Variants in ADGRL2 observed in about 807,000 individuals in gnomAD.
The protein encoded by ADGRL2 is adhesion G protein-coupled receptor L2, also known as calcium-independent alpha-latrotoxin receptor 2.
ADGRL2 carries 44 observed loss-of-function variants against 157.4 expected under a neutral mutation model. The ratio of observed to expected loss-of-function variants is 0.28; its 90% confidence interval spans 0.22 to 0.36. ADGRL2 has a LOEUF of 0.36. Ranked by LOEUF, ADGRL2 falls within the 10% of genes least tolerant of loss-of-function variation. The probability of loss-of-function intolerance (pLI) is 1.00; values close to 1 mark genes in which losing one functional copy is unlikely to be tolerated. For synonymous variants in ADGRL2, 585 were observed against 624.7 expected, an observed-to-expected ratio of 0.94 and a Z score of 0.95; for missense variants, 1,510 against 1,768.9, an observed-to-expected ratio of 0.85 and a Z score of 2.63.
At chr1:81,614,679 G>T (rs1416925440) in intron 3 of ADGRL2, among the ~76,000 whole-genome samples, 1 of 152,036 alleles carries the variant, frequency 6.6e-6, no homozygotes, top group Non-Finnish European at 1.5e-5. Flanking sequence ...GTATTGGAAT[G>T]ACATGTCTAA....
At chr1:81,419,853 C>T (rs1262023693) in intron 1 of ADGRL2, among the ~76,000 whole-genome samples, 3 of 152,102 alleles carry the variant, frequency 2.0e-5, no homozygotes, top group Middle Eastern at 3.2e-3. Flanking sequence ...TATGTTTCTC[C>T]CAGTGAAAAC....
At chr1:81,707,015 A>G (rs1005737596) in intron 1 of ADGRL2, among the ~76,000 whole-genome samples, 1 of 152,276 alleles carries the variant, frequency 6.6e-6, no homozygotes, top group Non-Finnish European at 1.5e-5. Context: ...GGAACAGAAG[A>G]TAAGAAATAG....
At chr1:81,348,650 C>T (rs1280793077) in intron 1 of ADGRL2, among the ~76,000 whole-genome samples, 4 of 151,946 alleles carry the variant, frequency 2.6e-5, no homozygotes, top group African/African-American at 7.3e-5. Flanking sequence ...CCACCACCAC[C>T]AACAACAACA....
intron 2 of ADGRL2, chr1:81,502,478 C>T (rs2078874944): frequency 3.7e-6 from 6 of 1,613,930 alleles, no homozygotes; most frequent in East Asian, 4.5e-5. Context: ...GCAGAAGAGG[C>T]GGACCCCCAT....
At chr1:81,652,022 A>T (rs1000569772) in intron 3 of ADGRL2, among the ~76,000 whole-genome samples, 3 of 152,070 alleles carry the variant, frequency 2.0e-5, no homozygotes, top group Non-Finnish European at 2.9e-5. Context: ...TGAGATTTTC[A>T]TCTCAGTAGT....
chr1:81,580,419 G>T (rs1348398302), intron 2 of ADGRL2, among the ~76,000 whole-genome samples: 1 of 151,808 alleles, frequency 6.6e-6, no homozygotes, highest in African/African-American at 2.4e-5. Flanking sequence ...AGAAAACAGG[G>T]GTATTGAAAA....
chr1:81,500,436 G>A (rs751758952), intron 2 of ADGRL2, among the ~76,000 whole-genome samples: 4 of 152,198 alleles, frequency 2.6e-5, no homozygotes, highest in Non-Finnish European at 5.9e-5. Flanking sequence ...TAAACAAAAT[G>A]TGGTATATAC....
chr1:81,687,950 AT>A (rs2083262472), intron 3 of ADGRL2, among the ~76,000 whole-genome samples: 1 of 152,136 alleles, frequency 6.6e-6, no homozygotes. Context: ...TGGATACAAA[AT>A]TTTTGGCTGA....
At chr1:81,616,070 C>G (rs904752177) in intron 3 of ADGRL2, among the ~76,000 whole-genome samples, 2 of 123,254 alleles carry the variant, frequency 1.6e-5, no homozygotes, top group African/African-American at 3.1e-5. Context: ...AGGCCTGAAA[C>G]GGAGTCAGCC....
intron 1 of ADGRL2, among the ~76,000 whole-genome samples, chr1:81,823,338 TCTTCCCTCCCTCCTTCCCTCCTTC>T (rs972923934): frequency 2.7e-5 from 4 of 148,248 alleles, no homozygotes; most frequent in East Asian, 4.1e-4. Flanking sequence ...CTTCCTTCCT[TCTTCCCTCCCTCCTTCCCTCCTTC>T]CTTCCCTCCC....
intron 1 of ADGRL2, among the ~76,000 whole-genome samples, chr1:81,314,766 G>T (rs527784581): frequency 6.6e-6 from 1 of 152,142 alleles, no homozygotes; most frequent in African/African-American, 2.4e-5. Context: ...CTTTTGTGCA[G>T]CAGAAAATGA....
chr1:81,868,060 GGTGTGT>G (rs145794673), intron 2 of ADGRL2, among the ~76,000 whole-genome samples: 49 of 145,662 alleles, frequency 3.4e-4, no homozygotes, highest in African/African-American at 1.1e-3. Context: ...GTGTGTGTGT[GGTGTGT>G]GTGTGTGTGT....
At chr1:81,793,215 A>G (rs1041352720) in intron 2 of ADGRL2, among the ~76,000 whole-genome samples, 10 of 152,080 alleles carry the variant, frequency 6.6e-5, no homozygotes, top group African/African-American at 1.9e-4. Context: ...ACAAAAATAT[A>G]TAATGTATAG....
rs1664928148 is a variant in ADGRL2 at position 81,993,305 on chromosome 1, T to C, written c.*2160T>C. ...TAAAGGAGGGCATTAGATAATCAAGTATTTTTAATTTTCCATCTTGTTATA... is the reference window on the plus strand; with the variant it reads ...TAAAGGAGGGCATTAGATAATCAAGCATTTTTAATTTTCCATCTTGTTATA... On this transcript the variant is annotated 3_prime_UTR_variant, in exon 24 of 24. Coordinates refer to ENST00000686636, the MANE Select transcript of ADGRL2 (RefSeq NM_001366006.2). 6.6e-6 allele frequency among the ~76,000 whole-genome samples: 1 copy of C among 151,420 alleles called. No homozygotes were observed. The highest frequency in any genetic ancestry group is 1.5e-5 in the Non-Finnish European group (1 of 67,906).
intron 1 of ADGRL2, among the ~76,000 whole-genome samples, chr1:81,317,437 G>A (rs565880460): frequency 1.3e-5 from 2 of 152,214 alleles, no homozygotes; most frequent in South Asian, 2.1e-4. Context: ...GCATTCCTTG[G>A]TGTTACCATC....
At chr1:81,579,819 G>A (rs1391758770) in intron 2 of ADGRL2, among the ~76,000 whole-genome samples, 1 of 151,820 alleles carries the variant, frequency 6.6e-6, no homozygotes, top group South Asian at 2.1e-4. Context: ...GTATTTAAAA[G>A]ACTTCCTATG....
At chr1:81,604,374 G>T (rs943198070) in intron 3 of ADGRL2, among the ~76,000 whole-genome samples, 1 of 152,180 alleles carries the variant, frequency 6.6e-6, no homozygotes, top group Non-Finnish European at 1.5e-5. Context: ...GCATTGTGTG[G>T]ACTCCTGCAG....
At chr1:81,535,100 T>A (rs931672341) in intron 2 of ADGRL2, among the ~76,000 whole-genome samples, 1 of 152,194 alleles carries the variant, frequency 6.6e-6, no homozygotes, top group Non-Finnish European at 1.5e-5. Context: ...AGCTGTTGTT[T>A]AGTACTTTAG....
At chr1:81,980,895 T>G in intron 18 of ADGRL2, 1 of 616,958 alleles carries the variant, frequency 1.6e-6, no homozygotes, top group Non-Finnish European at 3.1e-6. Context: ...TTTTTACAAA[T>G]TCGTCAGTAT....
Sources: gnomAD v4.1 joint callset for allele counts (sites outside exome capture counted in the v4.1 genomes callset) on GRCh38, gnomAD v4.1.1 for gene constraint, MANE v1.5 for transcripts, NCBI Gene and HGNC (gene_info 2026-07-23, HGNC 2026-07-21) for gene names.